Variants in SAMD5 observed in about 807,000 individuals in gnomAD.
The protein encoded by SAMD5 is sterile alpha motif domain containing 5.
In SAMD5, 13 loss-of-function variants were observed where a neutral mutation model predicts 11.3. The ratio of observed to expected loss-of-function variants is 1.15; its 90% CI spans 0.75 to 1.83. SAMD5 has a LOEUF of 1.83. SAMD5 is among the 40% of genes most tolerant of loss of function. The pLI is 0.00. For synonymous variants in SAMD5, 129 were observed against 111.3 expected, an observed-to-expected ratio of 1.16 and a Z score of -1.00; for missense variants, 255 against 239.1, an observed-to-expected ratio of 1.07 and a Z score of -0.44.
At chr6:147,698,138 G>A (rs1308339828) in intron 1 of SAMD5, among the ~76,000 whole-genome samples, 1 of 152,148 alleles carries the variant, frequency 6.6e-6, no homozygotes, top group Non-Finnish European at 1.5e-5. Flanking sequence ...CGGAGCTCAG[G>A]CTGTAATGCT....
intron 1 of SAMD5, among the ~76,000 whole-genome samples, chr6:147,537,254 C>A (rs1010611541): frequency 6.6e-6 from 1 of 152,002 alleles, no homozygotes; most frequent in Non-Finnish European, 1.5e-5. Context: ...ATTTTTGTAC[C>A]AAATAAGCCA....
At chr6:147,668,616 G>A (rs1412255657) in intron 1 of SAMD5, among the ~76,000 whole-genome samples, 1 of 152,176 alleles carries the variant, frequency 6.6e-6, no homozygotes, top group Non-Finnish European at 1.5e-5. Context: ...GGCCGAGGCA[G>A]GTGGATCACT....
chr6:147,590,389 A>G (rs17077021), intron 1 of SAMD5, among the ~76,000 whole-genome samples: 3,164 of 152,168 alleles, frequency 0.021, 110 homozygotes, highest in African/African-American at 0.073. Flanking sequence ...TGTTTAGCTC[A>G]TTGTATGCCC....
intron 1 of SAMD5, among the ~76,000 whole-genome samples, chr6:147,601,409 T>C (rs188968148): frequency 6.3e-4 from 96 of 152,266 alleles, no homozygotes; most frequent in Admixed American, 1.0e-3. Flanking sequence ...TATTTTTATG[T>C]CTAGAACAAT....
the SAMD5 span, among the ~76,000 whole-genome samples, chr6:147,895,845 A>G: frequency 1.3e-5 from 2 of 152,198 alleles, no homozygotes; most frequent in Non-Finnish European, 2.9e-5. Context: ...GAGACACTGT[A>G]CCAAATAAAC....
At chr6:147,666,895 TCC>T (rs1201024985) in intron 1 of SAMD5, among the ~76,000 whole-genome samples, 102 of 152,158 alleles carry the variant, frequency 6.7e-4, no homozygotes, top group Admixed American at 7.9e-4. Context: ...CCTGGCCCTT[TCC>T]CTATCCGTCA....
the SAMD5 span, among the ~76,000 whole-genome samples, chr6:147,758,742 C>G: frequency 6.6e-6 from 1 of 152,114 alleles, no homozygotes; most frequent in Admixed American, 6.6e-5. Context: ...AAATCCAACT[C>G]CATGAAGTGA....
At chr6:147,932,469 A>G in the SAMD5 span, among the ~76,000 whole-genome samples, 1 of 152,166 alleles carries the variant, frequency 6.6e-6, no homozygotes, top group Non-Finnish European at 1.5e-5. Flanking sequence ...TTTTCCTAGC[A>G]AACACTGTGA....
At chr6:147,897,262 G>T in the SAMD5 span, among the ~76,000 whole-genome samples, 2 of 152,118 alleles carry the variant, frequency 1.3e-5, no homozygotes, top group Admixed American at 6.5e-5. Flanking sequence ...CAAACTAGAG[G>T]GGGGAAAAGA....
the SAMD5 span, among the ~76,000 whole-genome samples, chr6:147,876,557 C>G: frequency 1.4e-3 from 210 of 152,278 alleles, no homozygotes; most frequent in Non-Finnish European, 2.9e-3. Context: ...AATTCTGTGA[C>G]TCCATATTGG....
In SAMD5 at chr6:147,664,670, G is replaced by A. The variant is rs145133784; in HGVS notation, c.163-72647G>A. ...GAATACCGTATGTAAATTTAACTGG[G>A]ATTTCTATGTAATCTCTTGAGATTA... On this transcript the variant is annotated intron_variant, in intron 1 of 1. Transcript: ENST00000566741. 3.1e-3 allele frequency among the ~76,000 whole-genome samples: 476 copies of A among 152,140 alleles called. 2 individuals are homozygous for A. Among genetic ancestry groups the A allele is most frequent in the African/African-American group, 0.011 (447 of 41,492 alleles).
rs182552828 is a variant in SAMD5 at position 147,600,172 on chromosome 6, C to A, written c.162+90785C>A. Reference sequence around the variant, plus strand: ...AAGCCTCTGGGTCCATGAGGAGCTCCTTCCCAGTGGAAAGGGTCGTAGGAA... The same window carrying A: ...AAGCCTCTGGGTCCATGAGGAGCTCATTCCCAGTGGAAAGGGTCGTAGGAA... On this transcript the variant is annotated intron_variant, in intron 1 of 1. Coordinates refer to the SAMD5 transcript ENST00000566741. 4.1e-3 allele frequency among the ~76,000 whole-genome samples: 618 copies of A among 152,264 alleles called. 8 individuals carry two copies. The highest frequency in any genetic ancestry group is 4.7e-3 in the Admixed American group (72 of 15,288).
chr6:147,650,930 A>G (rs768016942), intron 1 of SAMD5, among the ~76,000 whole-genome samples: 2 of 149,208 alleles, frequency 1.3e-5, no homozygotes, highest in Non-Finnish European at 3.0e-5. Context: ...ATTTAAAGCC[A>G]TGGGAATTTG....
intron 1 of SAMD5, among the ~76,000 whole-genome samples, chr6:147,534,102 G>T (rs972975879): frequency 6.6e-6 from 1 of 152,140 alleles, no homozygotes; most frequent in Non-Finnish European, 1.5e-5. Context: ...GACATGACCC[G>T]GGGTACCTAG....
At chr6:147,668,008 T>C (rs759818549) in intron 1 of SAMD5, among the ~76,000 whole-genome samples, 9 of 152,176 alleles carry the variant, frequency 5.9e-5, no homozygotes, top group Non-Finnish European at 1.3e-4. Context: ...TAAAATATTT[T>C]TAAAATTGCA....
chr6:147,659,483 T>G (rs1790617312), intron 1 of SAMD5, among the ~76,000 whole-genome samples: 1 of 152,218 alleles, frequency 6.6e-6, no homozygotes, highest in Non-Finnish European at 1.5e-5. Context: ...ACTTGAGTCT[T>G]CTATACTAGC....
At chr6:147,731,233 T>G (rs931077148) in intron 1 of SAMD5, among the ~76,000 whole-genome samples, 1 of 152,172 alleles carries the variant, frequency 6.6e-6, no homozygotes, top group African/African-American at 2.4e-5. Context: ...TCTCCCCATT[T>G]GAAGTCTAGG....
the SAMD5 span, among the ~76,000 whole-genome samples, chr6:147,762,517 T>G: frequency 7.7e-5 from 1 of 13,000 alleles, no homozygotes; most frequent in African/African-American, 4.2e-4. Context: ...ATTACTGTAC[T>G]CTTTTATGTT....
chr6:147,524,258 T>C (rs555331019), intron 1 of SAMD5, among the ~76,000 whole-genome samples: 77 of 152,236 alleles, frequency 5.1e-4, no homozygotes, highest in African/African-American at 1.7e-3. Flanking sequence ...TTATGTGTTC[T>C]CTGTGGCATG....
Sources: gnomAD v4.1 joint callset for allele counts (sites outside exome capture counted in the v4.1 genomes callset) on GRCh38, gnomAD v4.1.1 for gene constraint, MANE v1.5 for transcripts, NCBI Gene and HGNC (gene_info 2026-07-23, HGNC 2026-07-21) for gene names.